The following ANK2 variants were observed in gnomAD, a reference collection of about 807,000 sequenced individuals.
ANK2 encodes ankyrin 2.
A neutral mutation model predicts 360.5 loss-of-function variants in ANK2; 83 were observed. The observed-to-expected ratio is 0.23, with a 90% confidence interval of 0.19 to 0.28. ANK2 has a LOEUF of 0.28. Among genes scored for constraint, ANK2 ranks in the 10% least tolerant of loss-of-function variants. The probability of loss-of-function intolerance (pLI) is 1.00; values close to 1 mark genes in which losing one functional copy is unlikely to be tolerated. For missense variants in ANK2, 4,201 were observed against 4,795.7 expected, an observed-to-expected ratio of 0.88 and a Z score of 3.66; for synonymous variants, 1,740 against 1,759.5, an observed-to-expected ratio of 0.99 and a Z score of 0.28.
intron 1 of ANK2, among the ~76,000 whole-genome samples, chr4:113,105,703 C>A (rs2093534670): frequency 1.3e-5 from 2 of 152,140 alleles, no homozygotes; most frequent in South Asian, 4.1e-4. Context: ...TGTGTTTGTA[C>A]ATCCAACTTA....
the ANK2 span, among the ~76,000 whole-genome samples, chr4:112,730,675 A>G: frequency 0.66 from 92,753 of 140,828 alleles, 30,926 homozygotes; most frequent in Non-Finnish European, 0.7. Context: ...AAACAAAATT[A>G]CTAGAAAAGT....
Position 113,374,707 on chromosome 4 carries a change from C to A in ANK2, c.11859+1258C>A, listed in dbSNP as rs1397125993. On this transcript the variant is annotated intron_variant, in intron 45 of 45. Transcript: ENST00000357077. ...TTTGTTTTTTAACATAGAAAAAATT[C>A]ATCATAGTTACATTTGGCAATCAGA... is the stretch of plus-strand genomic sequence containing the variant. 6 of 982,516 alleles carry A rather than the reference C, an allele frequency of 6.1e-6. No individual in the cohort carries two copies. In the African/African-American group the frequency reaches 8.6e-5, roughly 14 times the overall value. The allele number at this position is 982,516 out of a possible 1,614,324, so 60.9% of individuals were successfully genotyped here. A position where few individuals can be genotyped will look rare whatever the true frequency, so the allele number is the denominator to read the frequency against.
intron 1 of ANK2, among the ~76,000 whole-genome samples, chr4:112,881,078 C>T (rs2076574047): frequency 6.6e-6 from 1 of 152,214 alleles, no homozygotes; most frequent in South Asian, 2.1e-4. Flanking sequence ...ATATACTACA[C>T]ATTTTAGTAC....
intron 38 of ANK2, among the ~76,000 whole-genome samples, chr4:113,359,796 T>C (rs982617908): frequency 1.3e-5 from 2 of 152,228 alleles, no homozygotes; most frequent in South Asian, 2.1e-4. Flanking sequence ...ATTCTAATTG[T>C]TGTGGATCTG....
chr4:112,840,555 C>A (rs1465713742), intron 1 of ANK2, among the ~76,000 whole-genome samples: 1 of 152,104 alleles, frequency 6.6e-6, no homozygotes, highest in Non-Finnish European at 1.5e-5. Context: ...CCCAGAGGGT[C>A]CATAATGTAG....
Position 113,354,151 on chromosome 4 carries a change from G to A in ANK2, c.5533G>A (p.Val1845Ile). 1 of 1,614,088 alleles carries A rather than the reference G, an allele frequency of 6.2e-7. No individual in the cohort carries two copies. The highest frequency in any genetic ancestry group is 2.2e-5 in the East Asian group (1 of 44,886). ...CGCAAAAACTGAAAGGCACCCTCCA[G>A]TATCACCATCAAGTAAAACTGAGAA... ...SSAKTERHPP[V>I]SPSSKTEKHS... Residue 1845 changes from valine (V) to isoleucine (I), a missense_variant, in exon 38 of 46, where the codon GTA becomes ATA. By Grantham distance (29) the Val-to-Ile change is conservative (BLOSUM62 3). Transcript: ENST00000357077.
At position 113,353,054 on chromosome 4, in the gene ANK2, C is replaced by T. The variant is rs762685310; in HGVS notation, c.4436C>T (p.Thr1479Ile). 1.2e-6 allele frequency: 2 copies of T among 1,613,432 alleles called. No individual in the cohort carries two copies. The highest frequency in any genetic ancestry group is 8.5e-7 in the Non-Finnish European group (1 of 1,179,602). ...TTCATTCACATCAAAGATGATGAGA[C>T]AGAATCTACAGAAACATCTGTCCTG... is the stretch of plus-strand genomic sequence containing the variant. ...IDMTSEKNDE[T>I]ESTETSVLKS... is the part of the protein sequence containing the mutation. Residue 1479 changes from threonine to isoleucine, a missense_variant, in exon 38 of 46, where the codon ACA becomes ATA. Coordinates refer to ENST00000357077, the MANE Select transcript of ANK2 (RefSeq NM_001148.6).
chr4:113,009,662 C>G (rs1412359251), intron 2 of ANK2, among the ~76,000 whole-genome samples: 1 of 152,140 alleles, frequency 6.6e-6, no homozygotes, highest in Non-Finnish European at 1.5e-5. Context: ...GGCATATTCT[C>G]TGGCTCAGTG....
intron 1 of ANK2, among the ~76,000 whole-genome samples, chr4:113,137,462 T>C (rs2096477015): frequency 6.6e-6 from 1 of 152,146 alleles, no homozygotes; most frequent in African/African-American, 2.4e-5. Flanking sequence ...AGGAGCAGGT[T>C]TGAGTAGGGC....
At chr4:113,094,978 A>G (rs895190647) in intron 1 of ANK2, among the ~76,000 whole-genome samples, 5 of 152,242 alleles carry the variant, frequency 3.3e-5, no homozygotes, top group South Asian at 2.1e-4. Context: ...GAAGAATAGC[A>G]TCACTGGGAA....
intron 1 of ANK2, among the ~76,000 whole-genome samples, chr4:113,139,233 G>A (rs778051769): frequency 2.0e-5 from 3 of 152,090 alleles, no homozygotes; most frequent in African/African-American, 4.8e-5. Context: ...TTGTTCCTGT[G>A]GGCACCAAAC....
chr4:113,265,377 C>A (rs2055389142), intron 14 of ANK2, among the ~76,000 whole-genome samples: 1 of 152,166 alleles, frequency 6.6e-6, no homozygotes, highest in Non-Finnish European at 1.5e-5. Context: ...ACCACTTAAA[C>A]CAATCACATT....
intron 1 of ANK2, among the ~76,000 whole-genome samples, chr4:113,087,988 G>T (rs1017849242): frequency 3.3e-5 from 5 of 152,088 alleles, no homozygotes; most frequent in African/African-American, 7.2e-5. Context: ...AACCTCAAAA[G>T]ATTTCATTTC....
chr4:113,146,002 G>T, intron 1 of ANK2: 1 of 1,289,688 alleles, frequency 7.8e-7, no homozygotes, highest in Non-Finnish European at 1.0e-6. Context: ...CCTGGAGTGT[G>T]GGTAAGTTTT....
intron 1 of ANK2, chr4:113,117,553 G>A: frequency 2.8e-6 from 1 of 354,560 alleles, no homozygotes; most frequent in South Asian, 2.3e-5. Context: ...GCAGCCTAGA[G>A]CTCATGCCTA....
At chr4:112,725,105 C>A in the ANK2 span, among the ~76,000 whole-genome samples, 3 of 151,794 alleles carry the variant, frequency 2.0e-5, no homozygotes, top group South Asian at 6.2e-4. Flanking sequence ...CAAGGTGAAA[C>A]CCTGTCTCTA....
At chr4:112,765,533 CAT>C in the ANK2 span, among the ~76,000 whole-genome samples, 5 of 152,238 alleles carry the variant, frequency 3.3e-5, no homozygotes, top group East Asian at 3.9e-4. Flanking sequence ...TGTCCTTAAT[CAT>C]GTGATATTTT....
upstream of ANK2, among the ~76,000 whole-genome samples, chr4:112,817,798 A>C (rs2055808034): frequency 2.0e-5 from 3 of 152,172 alleles, no homozygotes; most frequent in African/African-American, 7.2e-5. Context: ...TCTCTGAACT[A>C]GGCGTGGAAC....
Position 113,292,460 on chromosome 4 carries a change from G to T in ANK2, c.2322G>T (p.Thr774=). The T allele has an allele frequency of 6.2e-7, 1 of 1,611,692 alleles. No homozygotes were observed. ...PLHQAAQQGH[T]HIINVLLQHG... is the part of the protein sequence containing the mutation. Reference sequence around the variant, plus strand: ...ACCAGGCCGCTCAGCAGGGTCACACGCACATCATCAACGTCCTGCTCCAGC... The same window carrying T: ...ACCAGGCCGCTCAGCAGGGTCACACTCACATCATCAACGTCCTGCTCCAGC... Residue 774 remains threonine (T), a synonymous_variant, in exon 21 of 46, where the codon ACG becomes ACT. Coordinates refer to ENST00000357077, the MANE Select transcript of ANK2 (RefSeq NM_001148.6).
Sources: allele counts gnomAD v4.1 joint callset (sites outside exome capture counted in the v4.1 genomes callset), GRCh38; gene constraint gnomAD v4.1.1; transcripts MANE v1.5; gene names NCBI Gene and HGNC (gene_info 2026-07-23, HGNC 2026-07-21).